The following CLEC7A variants were observed in gnomAD, a reference collection of about 807,000 sequenced individuals.
CLEC7A encodes the protein C-type lectin domain containing 7A.
In CLEC7A, 25 loss-of-function variants were observed where a neutral mutation model predicts 26.9. That is an observed-to-expected ratio of 0.93 (90% CI 0.68 to 1.30). CLEC7A has a LOEUF of 1.30. CLEC7A is among the 50% of genes most tolerant of loss of function. The pLI, the probability that CLEC7A is intolerant of heterozygous loss-of-function variation, is 0.00. For missense variants in CLEC7A, 275 were observed against 286.7 expected (o/e 0.96, Z 0.29); for synonymous variants, 100 against 99.5 (o/e 1.01, Z -0.03).
chr12:10,118,406 T>G lies in CLEC7A; in HGVS notation c.*52A>C. On this transcript the variant is annotated 3_prime_UTR_variant, in exon 6 of 6. Transcript: ENST00000304084. Reference sequence around the variant, plus strand: ...GCTGTTACTCTTTTCTGTTCTGTTTTCTGTCCTCCTTACTACCTCACATAT... The same window carrying G: ...GCTGTTACTCTTTTCTGTTCTGTTTGCTGTCCTCCTTACTACCTCACATAT... 2 of 1,531,322 alleles carry G rather than the reference T, an allele frequency of 1.3e-6. No homozygotes were observed. Among genetic ancestry groups the G allele is most frequent in the East Asian group, 2.3e-5 (1 of 44,286 alleles). 94.9% of individuals were successfully genotyped at this position (1,531,322 alleles called of 1,614,324 possible). A position where few individuals can be genotyped will look rare whatever the true frequency, so the allele number is the denominator to read the frequency against.
chr12:10,124,190 T>C (rs933314322), intron 4 of CLEC7A, among the ~76,000 whole-genome samples: 3 of 152,258 alleles, frequency 2.0e-5, no homozygotes, highest in African/African-American at 4.8e-5. Context: ...TAGGCTGGCC[T>C]AAAAGTCAGA....
intron 5 of CLEC7A, among the ~76,000 whole-genome samples, chr12:10,122,484 C>CTTTTTTTTTTTTT (rs143612827): frequency 2.3e-4 from 30 of 128,772 alleles, no homozygotes; most frequent in African/African-American, 6.0e-4. Flanking sequence ...TTCTTTTTTT[C>CTTTTTTTTTTTTT]TTTTTTTTTT....
chr12:10,123,309 G>A lies in CLEC7A; in HGVS notation c.547C>T (p.Leu183Phe), dbSNP rs140318683. The change falls in exon 5 of 6, where the codon CTT becomes TTT. Residue 183 changes from leucine (L) to phenylalanine (F), a missense_variant. By Grantham distance (22) the Leu-to-Phe change is conservative. Coordinates refer to ENST00000304084, the MANE Select transcript of CLEC7A (RefSeq NM_197947.3). ...SQPDNSFWIGLSRPQTEVPWL... is the reference protein window; with the variant it reads ...SQPDNSFWIGFSRPQTEVPWL... ...GGTACCTCAGTCTGGGGCCGAGAAA[G>A]GCCTATCCAAAATGAATTATCAGGT... is the stretch of plus-strand genomic sequence containing the variant. 2.9e-3 allele frequency: 4,706 copies of A among 1,613,528 alleles called. 26 individuals carry two copies. The highest frequency in any genetic ancestry group is 2.7e-3 in the Non-Finnish European group (3,183 of 1,179,562).
At chr12:10,127,916 C>T (rs1165728588) in intron 1 of CLEC7A, 71 bp from the exon 2 acceptor site, 1 of 1,090,398 alleles carries the variant, frequency 9.2e-7, no homozygotes, top group Non-Finnish European at 1.3e-6. Flanking sequence ...TTTAATTCTA[C>T]AGTTCATCAA....
In CLEC7A at chr12:10,127,752, G is replaced by A. The variant is rs1948342746; in HGVS notation, c.197C>T (p.Thr66Ile). 1.9e-6 allele frequency: 3 copies of A among 1,581,890 alleles called. No individual in the cohort carries two copies. The highest frequency in any genetic ancestry group is 4.5e-5 in the East Asian group (2 of 44,266). Residue 66 changes from threonine (T) to isoleucine (I), a missense_variant, in exon 2 of 6, where the codon ACC (threonine) becomes ATC (isoleucine). Transcript: ENST00000304084. ...CTCCTCCACCAAATACTCACCCATG[G>A]TACCCAGGACCACAGCTATCACCAG... The part of the protein sequence containing the change: ...VILVIAVVLG[T>I]MAIWRSNSGS...
rs200850619 is a variant in CLEC7A at position 10,126,679 on chromosome 12, T to C, written c.232A>G (p.Thr78Ala). 3 of 1,612,282 alleles carry C rather than the reference T, an allele frequency of 1.9e-6. 1 individual carries two copies. In the African/African-American group the frequency reaches 4.0e-5, roughly 22 times the overall value. The change falls in exon 3 of 6, where the codon ACA (threonine) becomes GCA (alanine). Residue 78 changes from threonine (T) to alanine (A), a missense_variant. Physicochemically the swap from Thr to Ala is moderately conservative, Grantham distance 58 (BLOSUM62 0). Transcript: ENST00000304084. Reference sequence around the variant, plus strand: ...GATAGAAAGTAGCCATTCTCCAATGTGTTGCTTCCTGAATTGGATCTCCAA... The same window carrying C: ...GATAGAAAGTAGCCATTCTCCAATGCGTTGCTTCCTGAATTGGATCTCCAA... The part of the protein sequence containing the change: ...AIWRSNSGSN[T>A]LENGYFLSRN...
intron 5 of CLEC7A, among the ~76,000 whole-genome samples, chr12:10,121,885 G>A (rs1308437987): frequency 6.6e-6 from 1 of 152,150 alleles, no homozygotes; most frequent in Non-Finnish European, 1.5e-5. Flanking sequence ...GTGAGCGCCT[G>A]TAGTCCCAGC....
intron 2 of CLEC7A, 76 bp from the exon 3 acceptor site, chr12:10,126,784 C>T (rs1276088357): frequency 8.5e-7 from 1 of 1,172,790 alleles, no homozygotes; most frequent in African/African-American, 1.6e-5. Flanking sequence ...ATCCCAAAAC[C>T]CAAATGTTAT....
At chr12:10,129,363 A>G (rs1307486547) in intron 1 of CLEC7A, among the ~76,000 whole-genome samples, 1 of 152,184 alleles carries the variant, frequency 6.6e-6, no homozygotes, top group Non-Finnish European at 1.5e-5. Context: ...ATCTTTGTGT[A>G]TTATCCCACT....
chr12:10,123,763 G>A (rs1157384976), intron 4 of CLEC7A, among the ~76,000 whole-genome samples: 1 of 39,648 alleles, frequency 2.5e-5, no homozygotes, highest in Non-Finnish European at 5.6e-5. Context: ...GCGAGACTCC[G>A]TCTCAAAAAA....
Position 10,126,661 on chromosome 12 carries a change from A to G in CLEC7A, c.250T>C (p.Phe84Leu). 3 of 1,613,064 alleles carry G rather than the reference A, an allele frequency of 1.9e-6. No homozygotes were observed. The highest frequency in any genetic ancestry group is 2.5e-6 in the Non-Finnish European group (3 of 1,179,602). ...SGSNTLENGY[F>L]LSRNKENHSQ... is the part of the protein sequence containing the mutation. ...TGGTTCTCTTTATTTCTTGATAGAA[A>G]GTAGCCATTCTCCAATGTGTTGCTT... Residue 84 changes from phenylalanine to leucine, a missense_variant, in exon 3 of 6, where the codon TTT becomes CTT. Transcript: ENST00000304084.
Position 10,118,284 on chromosome 12 carries a change from G to A in CLEC7A, c.*174C>T, listed in dbSNP as rs1418528770. 2.4e-5 allele frequency: 14 copies of A among 592,574 alleles called. No individual in the cohort carries two copies. The highest frequency in any genetic ancestry group is 6.2e-5 in the East Asian group (2 of 32,138). The allele number at this position is 592,574 out of a possible 1,614,324, so 36.7% of individuals were successfully genotyped here. A position where few individuals can be genotyped will look rare whatever the true frequency, so the allele number is the denominator to read the frequency against. On this transcript the variant is annotated 3_prime_UTR_variant, in exon 6 of 6. Transcript: ENST00000304084. ...AATAATACTAGCCTACCTGTAGGTCGACAAATACAGAAATCACAGCCTCTC... is the reference window on the plus strand; with the variant it reads ...AATAATACTAGCCTACCTGTAGGTCAACAAATACAGAAATCACAGCCTCTC...
At position 10,127,833 on chromosome 12, in the gene CLEC7A, G is replaced by A; in HGVS notation, c.116C>T (p.Ala39Val). ...AGCAATGAGGCGCCAAGGAGGAGATGCAGCACACGATCCTGAGGAGCCAGA... is the reference window on the plus strand; with the variant it reads ...AGCAATGAGGCGCCAAGGAGGAGATACAGCACACGATCCTGAGGAGCCAGA... ...AVVSEKGSCA[A>V]SPPWRLIAVI... The change falls in exon 2 of 6, where the codon GCA (alanine) becomes GTA (valine). Residue 39 changes from alanine (A) to valine (V), a missense_variant. By Grantham distance (64) the Ala-to-Val change is moderately conservative. Coordinates refer to ENST00000304084, the MANE Select transcript of CLEC7A (RefSeq NM_197947.3). The A allele has an allele frequency of 6.4e-7, 1 of 1,558,878 alleles. No homozygotes were observed. The highest frequency in any genetic ancestry group is 1.2e-5 in the South Asian group (1 of 84,686).
rs1449024115 is a variant in CLEC7A, at chr12:10,125,446, C to T, written c.343G>A (p.Val115Ile). The part of the protein sequence containing the change: ...TPTKAVKTTG[V>I]LSSPCPPNWI... Reference sequence around the variant, plus strand: ...TTAGGAGGACAAGGGCTGGAAAGAACCCCTGGAAATAAAAGATTAGTACCA... The same window carrying T: ...TTAGGAGGACAAGGGCTGGAAAGAATCCCTGGAAATAAAAGATTAGTACCA... Residue 115 changes from valine to isoleucine, a missense_variant and splice_region_variant, in exon 4 of 6, where the codon GTT becomes ATT. Physicochemically the swap from Val to Ile is conservative, Grantham distance 29. Coordinates refer to ENST00000304084, the MANE Select transcript of CLEC7A (RefSeq NM_197947.3). 5.0e-6 allele frequency: 8 copies of T among 1,609,708 alleles called. No individual in the cohort carries two copies. The East Asian group carries it at 1.1e-4, about 22-fold the overall frequency.
chr12:10,123,189 T>G, intron 5 of CLEC7A, 56 bp downstream of exon 5: 53 of 1,125,558 alleles, frequency 4.7e-5, no homozygotes, highest in Non-Finnish European at 6.6e-5. Context: ...TTTTCATAGA[T>G]GAGATGGAAA....
chr12:10,118,970 A>G (rs773337428), intron 5 of CLEC7A, among the ~76,000 whole-genome samples: 3 of 152,136 alleles, frequency 2.0e-5, no homozygotes, highest in Non-Finnish European at 2.9e-5. Context: ...GATATACTTA[A>G]TGAGTAGACC....
intron 3 of CLEC7A, among the ~76,000 whole-genome samples, chr12:10,125,884 A>G (rs1197867262): frequency 1.3e-5 from 2 of 152,342 alleles, no homozygotes; most frequent in African/African-American, 2.4e-5. Flanking sequence ...CCAATTATTC[A>G]TATTATACAC....
At chr12:10,125,147 C>G (rs903703328) in intron 4 of CLEC7A, 150 bp downstream of exon 4, 1 of 791,316 alleles carries the variant, frequency 1.3e-6, no homozygotes, top group African/African-American at 1.8e-5. Flanking sequence ...CTTCACTGCA[C>G]TCTAGCTTGG....
intron 4 of CLEC7A, 101 bp downstream of exon 4, chr12:10,125,196 A>G: frequency 8.5e-7 from 1 of 1,180,982 alleles, no homozygotes; most frequent in Non-Finnish European, 1.2e-6. Flanking sequence ...AAAAAAAAAA[A>G]AAAGACTTCA....
Sources: gnomAD v4.1 joint callset for allele counts (sites outside exome capture counted in the v4.1 genomes callset) on GRCh38, gnomAD v4.1.1 for gene constraint, MANE v1.5 for transcripts, NCBI Gene and HGNC (gene_info 2026-07-23, HGNC 2026-07-21) for gene names.